The following PTPRG variants were observed in gnomAD, a reference collection of about 807,000 sequenced individuals.
PTPRG encodes receptor-type tyrosine-protein phosphatase gamma.
A neutral mutation model predicts 165.3 loss-of-function variants in PTPRG; 102 were observed. The observed-to-expected ratio is 0.62, with a 90% CI of 0.53 to 0.73. PTPRG has a LOEUF of 0.73. Among genes scored for constraint, PTPRG ranks in the 30% least tolerant of loss-of-function variants. The probability of loss-of-function intolerance (pLI) is 0.00; values close to 1 mark genes in which losing one functional copy is unlikely to be tolerated. For missense variants in PTPRG, 1,866 were observed against 1,861.4 expected (o/e 1.00, Z -0.05); for synonymous variants, 675 against 669.5 (o/e 1.01, Z -0.13).
intron 1 of PTPRG, among the ~76,000 whole-genome samples, chr3:61,653,224 T>C (rs1442869576): frequency 6.6e-6 from 1 of 152,190 alleles, no homozygotes; most frequent in Non-Finnish European, 1.5e-5. Flanking sequence ...ATTGTACATA[T>C]AGGGTTAGTC....
intron 5 of PTPRG, among the ~76,000 whole-genome samples, chr3:62,122,148 A>G (rs1419393093): frequency 1.3e-5 from 2 of 152,194 alleles, no homozygotes; most frequent in African/African-American, 2.4e-5. Context: ...CCACCCTGAA[A>G]AAACATAGCT....
At chr3:62,060,180 C>T (rs541422566) in intron 4 of PTPRG, among the ~76,000 whole-genome samples, 1 of 147,652 alleles carries the variant, frequency 6.8e-6, no homozygotes, top group Admixed American at 6.8e-5. Flanking sequence ...CCACCGCACT[C>T]TAGCCTGAGC....
intron 4 of PTPRG, among the ~76,000 whole-genome samples, chr3:62,025,397 A>G (rs1331147487): frequency 6.6e-6 from 1 of 152,146 alleles, no homozygotes; most frequent in African/African-American, 2.4e-5. Context: ...TTTATCTCCA[A>G]TTATTTGTTT....
chr3:61,674,617 G>T (rs1456121139), intron 1 of PTPRG, among the ~76,000 whole-genome samples: 2 of 151,554 alleles, frequency 1.3e-5, no homozygotes, highest in African/African-American at 4.8e-5. Flanking sequence ...CTTCTGTTTG[G>T]TTTAGCAGAT....
At chr3:62,049,232 G>A (rs1700394865) in intron 4 of PTPRG, among the ~76,000 whole-genome samples, 1 of 151,998 alleles carries the variant, frequency 6.6e-6, no homozygotes, top group South Asian at 2.1e-4. Context: ...TGTGTAATGC[G>A]AGCAGCATGT....
chr3:62,281,760 ATCATTCT>A lies in PTPRG; in HGVS notation c.3912+52_3912+58del, dbSNP rs751014672. The A allele has an allele frequency of 3.3e-6, 5 of 1,504,946 alleles. No individual in the cohort carries two copies. The East Asian group carries it at 1.3e-4, about 38-fold the overall frequency. The allele number at this position is 1,504,946 out of a possible 1,614,324, so 93.2% of individuals were successfully genotyped here. A position where few individuals can be genotyped will look rare whatever the true frequency, so the allele number is the denominator to read the frequency against. Reference sequence around the variant, plus strand: ...AATAGCCATACCTGGGCCCTGGATCATCATTCTAAGTAATAATGAAATAATTTACCAC... The same window carrying A: ...AATAGCCATACCTGGGCCCTGGATCAAAGTAATAATGAAATAATTTACCAC... On this transcript the variant is annotated intron_variant, in intron 27 of 29. Coordinates refer to ENST00000474889, the MANE Select transcript of PTPRG (RefSeq NM_002841.4).
intron 8 of PTPRG, among the ~76,000 whole-genome samples, chr3:62,191,199 G>A (rs1247826856): frequency 1.3e-5 from 2 of 151,422 alleles, no homozygotes; most frequent in Non-Finnish European, 2.9e-5. Context: ...ATGTGTATGT[G>A]CATTTGTGTC....
intron 2 of PTPRG, among the ~76,000 whole-genome samples, chr3:61,841,740 C>T (rs2036639972): frequency 6.6e-6 from 1 of 152,104 alleles, no homozygotes; most frequent in Non-Finnish European, 1.5e-5. Context: ...AATAGTAAAG[C>T]TGCTTGAGAA....
At chr3:61,678,181 G>A (rs186499232) in intron 1 of PTPRG, among the ~76,000 whole-genome samples, 14 of 152,212 alleles carry the variant, frequency 9.2e-5, no homozygotes, top group African/African-American at 2.6e-4. Context: ...CTGCCCTCCC[G>A]CAATCCAAAG....
At chr3:61,942,714 T>G (rs1468618028) in intron 2 of PTPRG, among the ~76,000 whole-genome samples, 3 of 152,254 alleles carry the variant, frequency 2.0e-5, no homozygotes, top group Admixed American at 6.5e-5. Flanking sequence ...CCTGGACAAT[T>G]CTGTTACATT....
chr3:62,098,959 C>T (rs774221198), intron 5 of PTPRG, among the ~76,000 whole-genome samples: 3 of 152,164 alleles, frequency 2.0e-5, no homozygotes, highest in African/African-American at 7.2e-5. Context: ...AAAGGCATAT[C>T]GTAGTGCCAC....
intron 1 of PTPRG, among the ~76,000 whole-genome samples, chr3:61,667,502 C>T (rs577085654): frequency 4.6e-5 from 7 of 152,256 alleles, no homozygotes; most frequent in South Asian, 4.1e-4. Flanking sequence ...GTTCCAGCTA[C>T]GACTCTAAGC....
At chr3:62,011,334 T>C (rs1466240908) in intron 4 of PTPRG, among the ~76,000 whole-genome samples, 1 of 152,224 alleles carries the variant, frequency 6.6e-6, no homozygotes, top group African/African-American at 2.4e-5. Context: ...CTTCCCTTAC[T>C]GTCTGCCTAT....
At chr3:62,099,821 C>T (rs1702229352) in intron 5 of PTPRG, among the ~76,000 whole-genome samples, 2 of 98,408 alleles carry the variant, frequency 2.0e-5, no homozygotes, top group African/African-American at 7.6e-5. Flanking sequence ...TTTTTTGAGG[C>T]AGAGTCTCAC....
chr3:61,902,104 G>C (rs2038513868), intron 2 of PTPRG, among the ~76,000 whole-genome samples: 1 of 152,206 alleles, frequency 6.6e-6, no homozygotes, highest in Admixed American at 6.5e-5. Flanking sequence ...TTATCACCCA[G>C]TATGAATTGT....
At chr3:62,019,209 T>C (rs1217040744) in intron 4 of PTPRG, among the ~76,000 whole-genome samples, 1 of 152,152 alleles carries the variant, frequency 6.6e-6, no homozygotes. Context: ...GTAAGAGATA[T>C]TCCCCATACT....
intron 2 of PTPRG, among the ~76,000 whole-genome samples, chr3:61,975,436 A>G (rs1218495690): frequency 6.6e-6 from 1 of 151,996 alleles, no homozygotes; most frequent in East Asian, 1.9e-4. Context: ...AGTTTCCTTG[A>G]CCTCACTCTT....
At chr3:62,248,687 T>G (rs990598345) in intron 15 of PTPRG, among the ~76,000 whole-genome samples, 4 of 152,228 alleles carry the variant, frequency 2.6e-5, no homozygotes, top group Admixed American at 1.3e-4. Flanking sequence ...GAAATTAACC[T>G]GTTATAGAGC....
chr3:61,834,871 G>A (rs114164545), intron 2 of PTPRG, among the ~76,000 whole-genome samples: 2,830 of 152,102 alleles, frequency 0.019, 44 homozygotes, highest in Non-Finnish European at 0.029. Flanking sequence ...TTCTCATCCT[G>A]GAAGTTTCCT....
Sources: gnomAD v4.1 joint callset for allele counts (sites outside exome capture counted in the v4.1 genomes callset) on GRCh38, gnomAD v4.1.1 for gene constraint, MANE v1.5 for transcripts, NCBI Gene and HGNC (gene_info 2026-07-23, HGNC 2026-07-21) for gene names.